Variants in AP2A2 observed in about 807,000 individuals in gnomAD.
AP2A2 encodes adaptor related protein complex 2 subunit alpha 2, also known as AP-2 complex subunit alpha-2.
Under a neutral mutation model 104.2 loss-of-function variants are expected in AP2A2, and 32 were observed. That is an observed-to-expected ratio of 0.31 (90% CI 0.23 to 0.41). The LOEUF is 0.41. Among genes scored for constraint, AP2A2 ranks in the 10% least tolerant of loss-of-function variants. AP2A2 has a pLI of 1.00. For synonymous variants in AP2A2, 539 were observed against 533.3 expected (o/e 1.01, Z -0.15); for missense variants, 912 against 1,261.0 (o/e 0.72, Z 4.19).
At chr11:1,008,950 C>T (rs1322645765) in intron 18 of AP2A2, 150 bp from the exon 19 acceptor site, 7 of 636,648 alleles carry the variant, frequency 1.1e-5, no homozygotes, top group Middle Eastern at 4.3e-4. Context: ...GAGCCACACA[C>T]GATCCGTGGG....
In AP2A2 at chr11:1,011,453, G is replaced by A. The variant is rs1031628906; in HGVS notation, c.*828G>A. On this transcript the variant is annotated 3_prime_UTR_variant, in exon 22 of 22. Transcript: ENST00000448903. ...CGGTGCAGGCCTGAGTCCTTCCACC[G>A]GCCCCGTCCAGTCGTCCCTGGAGGG... is the stretch of plus-strand genomic sequence containing the variant. 7 of 496,500 alleles carry A rather than the reference G, an allele frequency of 1.4e-5. No individual in the cohort carries two copies. Among genetic ancestry groups the A allele is most frequent in the Admixed American group, 2.1e-5 (1 of 47,462 alleles). 30.8% of individuals were successfully genotyped at this position (496,500 alleles called of 1,614,324 possible). A position where few individuals can be genotyped will look rare whatever the true frequency, so the allele number is the denominator to read the frequency against.
chr11:957,981 C>T (rs924676247), intron 1 of AP2A2, among the ~76,000 whole-genome samples: 4 of 152,220 alleles, frequency 2.6e-5, no homozygotes, highest in Admixed American at 2.0e-4. Flanking sequence ...TGCATCAGTC[C>T]GTCTTTAAGG....
chr11:960,868 A>G (rs1389474451), intron 2 of AP2A2, among the ~76,000 whole-genome samples: 4 of 152,068 alleles, frequency 2.6e-5, no homozygotes, highest in South Asian at 2.1e-4. Context: ...CATGTTGGTC[A>G]GGCTGGTCTC....
At position 972,154 on chromosome 11, in the gene AP2A2, C is replaced by A. The variant is rs1243705157; in HGVS notation, c.372C>A (p.Asn124Lys). ...NAIKNDLASRNPTFMGLALHC... is the reference protein window; with the variant it reads ...NAIKNDLASRKPTFMGLALHC... Reference sequence around the variant, plus strand: ...TCAAGAATGACCTGGCCAGCCGCAACCCCACCTTCATGGGCCTGGCCCTGC... The same window carrying A: ...TCAAGAATGACCTGGCCAGCCGCAAACCCACCTTCATGGGCCTGGCCCTGC... Residue 124 changes from asparagine to lysine, a missense_variant, in exon 4 of 22, where the codon AAC becomes AAA. Physicochemically the swap from Asn to Lys is moderately conservative, Grantham distance 94. Around this residue, in one of 7 missense-constraint regions of AP2A2, gnomAD observed 350 missense variants for 487.0 expected, o/e 0.72. Coordinates refer to ENST00000448903, the MANE Select transcript of AP2A2 (RefSeq NM_012305.4). 6.2e-7 allele frequency: 1 copy of A among 1,613,510 alleles called. No homozygotes were observed. Among genetic ancestry groups the A allele is most frequent in the Non-Finnish European group, 8.5e-7 (1 of 1,179,770 alleles).
At chr11:967,707 G>A (rs1854668332) in intron 2 of AP2A2, among the ~76,000 whole-genome samples, 1 of 152,050 alleles carries the variant, frequency 6.6e-6, no homozygotes, top group Non-Finnish European at 1.5e-5. Context: ...GCTCAGAGAG[G>A]TTAAGGAATA....
intron 1 of AP2A2, among the ~76,000 whole-genome samples, chr11:947,177 AT>A (rs1257682065): frequency 1.3e-5 from 2 of 151,842 alleles, no homozygotes; most frequent in Non-Finnish European, 2.9e-5. Context: ...GGCCCAGCTA[AT>A]TTTTGTATTT....
At chr11:1,000,316 T>C in intron 14 of AP2A2, 116 bp from the exon 15 acceptor site, 7 of 1,013,908 alleles carry the variant, frequency 6.9e-6, no homozygotes, top group Non-Finnish European at 8.7e-6. Context: ...CCCCAGCCAC[T>C]GGGAGTGCAT....
chr11:927,279 G>C (rs1371581615), intron 1 of AP2A2, among the ~76,000 whole-genome samples: 1 of 152,022 alleles, frequency 6.6e-6, no homozygotes, highest in Admixed American at 6.6e-5. Context: ...TGCCTAGGCT[G>C]GTCTCGAAAT....
chr11:970,289 A>G lies in AP2A2; in HGVS notation c.257A>G (p.Asn86Ser). ...HMEAVNLLSS[N>S]RYTEKQIGYL... ...GAGGCTGTGAACCTGCTGAGTTCAA[A>G]CAGATACACGGAAAAGCAGATCGTG... The change falls in exon 3 of 22, where the codon AAC (asparagine) becomes AGC (serine). Residue 86 changes from asparagine (N) to serine (S), a missense_variant. Asn to Ser is a conservative substitution (Grantham distance 46). Around this residue, in one of 7 missense-constraint regions of AP2A2, gnomAD observed 350 missense variants for 487.0 expected, o/e 0.72. Transcript: ENST00000448903. 6.2e-7 allele frequency: 1 copy of G among 1,613,840 alleles called. No homozygotes were observed. Among genetic ancestry groups the G allele is most frequent in the Non-Finnish European group, 8.5e-7 (1 of 1,179,786 alleles).
At chr11:943,986 T>C (rs1206101797) in intron 1 of AP2A2, among the ~76,000 whole-genome samples, 4 of 145,860 alleles carry the variant, frequency 2.7e-5, no homozygotes, top group Non-Finnish European at 3.0e-5. Flanking sequence ...CGACCGGAGA[T>C]GCAGGTGGCA....
At chr11:947,495 T>C (rs1853887808) in intron 1 of AP2A2, among the ~76,000 whole-genome samples, 1 of 152,172 alleles carries the variant, frequency 6.6e-6, no homozygotes, top group Non-Finnish European at 1.5e-5. Flanking sequence ...CTGGATTGTT[T>C]TAAGTTAAGG....
intron 1 of AP2A2, among the ~76,000 whole-genome samples, chr11:941,473 G>A (rs1291939270): frequency 6.6e-6 from 1 of 151,992 alleles, no homozygotes; most frequent in Non-Finnish European, 1.5e-5. Flanking sequence ...TTAGAGATGG[G>A]GTCTTACTAT....
Position 984,731 on chromosome 11 carries a change from G to C in AP2A2, c.792G>C (p.Leu264=). The C allele has an allele frequency of 6.2e-7, 1 of 1,612,306 alleles. No homozygotes were observed. The highest frequency in any genetic ancestry group is 2.2e-5 in the East Asian group (1 of 44,872). ...APWLSVKLLR[L]LQCYPPPDPA... ...GGCTGTCTGTCAAACTGCTGAGACT[G>C]CTGCAGTGCTACCCACCCCCAGGTA... is the stretch of plus-strand genomic sequence containing the variant. The change falls in exon 7 of 22, where the codon CTG becomes CTC. Residue 264 remains leucine (L), a synonymous_variant. Transcript: ENST00000448903.
Position 984,660 on chromosome 11 carries a change from T to A in AP2A2, c.721T>A (p.Ser241Thr). Residue 241 changes from serine to threonine, a missense_variant, in exon 7 of 22, where the codon TCC becomes ACC. Physicochemically the swap from Ser to Thr is moderately conservative, Grantham distance 58. This residue lies in a region of AP2A2 where 350 missense variants were observed against 487.0 expected (regional missense o/e 0.72). Transcript: ENST00000448903. ...TGTCTTACAGATCGTGACGTCTGCA[T>A]CCACAGATCTCCAGGATTACACTTA... ...SRLSRIVTSA[S>T]TDLQDYTYYF... 1 of 1,612,828 alleles carries A rather than the reference T, an allele frequency of 6.2e-7. No homozygotes were observed. Among genetic ancestry groups the A allele is most frequent in the Non-Finnish European group, 8.5e-7 (1 of 1,178,992 alleles).
intron 1 of AP2A2, among the ~76,000 whole-genome samples, chr11:941,545 G>A (rs1169678678): frequency 6.6e-6 from 1 of 151,220 alleles, no homozygotes; most frequent in Non-Finnish European, 1.5e-5. Flanking sequence ...GCCTCCCAAA[G>A]TGCTGGGGTT....
intron 15 of AP2A2, 24 bp from the exon 16 acceptor site, chr11:1,003,698 C>T (rs747024851): frequency 1.3e-6 from 2 of 1,546,098 alleles, no homozygotes; most frequent in Non-Finnish European, 1.8e-6. Flanking sequence ...TTGAGTGACA[C>T]ATATACTGTC....
chr11:965,350 ATGTC>A (rs1278557837), intron 2 of AP2A2, among the ~76,000 whole-genome samples: 2 of 152,182 alleles, frequency 1.3e-5, no homozygotes, highest in East Asian at 1.9e-4. Context: ...TCTCGTGGTT[ATGTC>A]TGTCTGTGGA....
chr11:995,530 G>A (rs986848001), intron 14 of AP2A2: 3 of 443,844 alleles, frequency 6.8e-6, no homozygotes, highest in Non-Finnish European at 1.4e-5. Flanking sequence ...GCAGGGCTTT[G>A]TGGGGTGAGC....
intron 1 of AP2A2, among the ~76,000 whole-genome samples, chr11:939,729 G>A (rs983108291): frequency 5.3e-5 from 8 of 152,008 alleles, no homozygotes; most frequent in African/African-American, 1.7e-4. Flanking sequence ...ACAGGCGTGA[G>A]CCACCGTGCC....
Sources: allele counts gnomAD v4.1 joint callset (sites outside exome capture counted in the v4.1 genomes callset), GRCh38; gene constraint gnomAD v4.1.1; regional missense constraint gnomAD v4.1.1; transcripts MANE v1.5; gene names NCBI Gene and HGNC (gene_info 2026-07-23, HGNC 2026-07-21).